Variants in ALG9 observed in about 807,000 individuals in gnomAD.
ALG9 encodes the protein ALG9 alpha-1,2-mannosyltransferase.
A neutral mutation model predicts 81.8 loss-of-function variants in ALG9; 55 were observed. That is an observed-to-expected ratio of 0.67 (90% confidence interval 0.54 to 0.84). The LOEUF (loss-of-function observed/expected upper bound fraction) is 0.84. ALG9 is among the 40% of genes least tolerant of loss of function. The pLI is 0.00. For missense variants in ALG9, 629 were observed against 745.0 expected, an observed-to-expected ratio of 0.84 and a Z score of 1.81; for synonymous variants, 278 against 274.3, an observed-to-expected ratio of 1.01 and a Z score of -0.13.
chr11:111,870,873 G>A lies in ALG9; in HGVS notation c.131+479C>T, dbSNP rs185816552. ...CATTCCCCCTTATGTTCAGATAGAA[G>A]CCTAGGTGCAAGGTACATAGCCTAC... On this transcript the variant is annotated intron_variant, in intron 1 of 14. Coordinates refer to ENST00000616540, the MANE Select transcript of ALG9 (RefSeq NM_024740.2). 11 of 1,000,228 alleles carry A rather than the reference G, an allele frequency of 1.1e-5. No homozygotes were observed. In the African/African-American group the frequency reaches 1.6e-4, roughly 14 times the overall value. 62.0% of individuals were successfully genotyped at this position (1,000,228 alleles called of 1,614,324 possible).
chr11:111,808,831 T>A (rs1950287656), intron 14 of ALG9, among the ~76,000 whole-genome samples: 1 of 152,170 alleles, frequency 6.6e-6, no homozygotes. Context: ...CTCCAACTCC[T>A]CTTCCCCATT....
At chr11:111,771,184 C>A in the ALG9 span, 1 of 152,414 alleles carries the variant, frequency 6.6e-6, no homozygotes, top group African/African-American at 2.4e-5. Context: ...GTAATCCCAG[C>A]ACTGTGGGAG....
intron 13 of ALG9, among the ~76,000 whole-genome samples, chr11:111,818,154 G>A (rs1257558070): frequency 6.6e-6 from 1 of 152,200 alleles, no homozygotes; most frequent in Non-Finnish European, 1.5e-5. Flanking sequence ...TAAAGAATAG[G>A]TTTGGGTGAC....
At position 111,860,542 on chromosome 11, in the gene ALG9, C is replaced by T; in HGVS notation, c.565+5G>A. 2 of 1,613,784 alleles carry T rather than the reference C, an allele frequency of 1.2e-6. No homozygotes were observed. Among genetic ancestry groups the T allele is most frequent in the Non-Finnish European group, 1.7e-6 (2 of 1,179,686 alleles). ...TGCAATTCCCTCATCTGCCCTTTTA[C>T]TTACCTGATGATGAGCAAAACATGC... On this transcript the variant is annotated splice_donor_5th_base_variant and intron_variant, in intron 5 of 14. Transcript: ENST00000616540.
At position 111,851,118 on chromosome 11, in the gene ALG9, C is replaced by T. The variant is rs1342348314; in HGVS notation, c.895+2262G>A. Among the ~76,000 whole-genome samples, 8 of 152,248 alleles carry T rather than the reference C, an allele frequency of 5.3e-5. No individual in the cohort carries two copies. In the South Asian group the frequency reaches 1.0e-3, roughly 20 times the overall value. On this transcript the variant is annotated intron_variant, in intron 8 of 14. Transcript: ENST00000616540. ...GACTGACCCACTGTTAAATTAGCAC[C>T]GTAAACTTAAATCAGAATTTATTCC...
chr11:111,808,247 T>A (rs1555087277), intron 14 of ALG9, among the ~76,000 whole-genome samples: 5 of 152,170 alleles, frequency 3.3e-5, no homozygotes, highest in African/African-American at 1.2e-4. Flanking sequence ...CTCAGGTGCC[T>A]CTTTACTGCC....
chr11:111,864,145 TAAAAAA>T, intron 4 of ALG9: 1 of 508,786 alleles, frequency 2.0e-6, no homozygotes, highest in Non-Finnish European at 3.6e-6. Flanking sequence ...AAATAAAAAT[TAAAAAA>T]AGAAAAAGAA....
At chr11:111,845,708 A>T (rs781958808) in intron 8 of ALG9, among the ~76,000 whole-genome samples, 2 of 152,200 alleles carry the variant, frequency 1.3e-5, no homozygotes, top group Non-Finnish European at 2.9e-5. Context: ...TGCGGGTTTT[A>T]ATCACTGTGT....
chr11:111,816,096 T>C (rs1347120853), intron 13 of ALG9, among the ~76,000 whole-genome samples: 5 of 152,198 alleles, frequency 3.3e-5, no homozygotes, highest in East Asian at 1.9e-4. Context: ...CTTCACAATT[T>C]AGTAGTTTTG....
At chr11:111,818,696 A>G (rs1429598932) in intron 13 of ALG9, among the ~76,000 whole-genome samples, 1 of 152,224 alleles carries the variant, frequency 6.6e-6, no homozygotes, top group Non-Finnish European at 1.5e-5. Context: ...ATTAATTGGG[A>G]AATTCATTGT....
intron 14 of ALG9, among the ~76,000 whole-genome samples, chr11:111,791,074 A>G (rs1008492861): frequency 1.6e-4 from 25 of 152,250 alleles, no homozygotes; most frequent in African/African-American, 5.8e-4. Flanking sequence ...ATTACTTACA[A>G]TAATGTTTTA....
chr11:111,851,841 G>A (rs182820849), intron 8 of ALG9, among the ~76,000 whole-genome samples: 64 of 152,254 alleles, frequency 4.2e-4, no homozygotes, highest in African/African-American at 1.4e-3. Flanking sequence ...AGAGGCAAAA[G>A]CTTAATACTG....
chr11:111,793,179 A>G (rs782815124), intron 14 of ALG9, among the ~76,000 whole-genome samples: 1 of 151,980 alleles, frequency 6.6e-6, no homozygotes, highest in Admixed American at 6.6e-5. Flanking sequence ...ACGGGGTCAT[A>G]CTATGTTGCC....
At chr11:111,797,316 T>C (rs940222565) in intron 14 of ALG9, among the ~76,000 whole-genome samples, 19 of 152,188 alleles carry the variant, frequency 1.2e-4, no homozygotes, top group African/African-American at 4.1e-4. Flanking sequence ...CACCATGCTA[T>C]AAGGAAGCCC....
chr11:111,836,533 C>A lies in ALG9; in HGVS notation c.1473-239G>T, dbSNP rs1955303067. 6.5e-6 allele frequency: 3 copies of A among 463,952 alleles called. No individual in the cohort carries two copies. In the East Asian group the frequency reaches 1.3e-4, roughly 20 times the overall value. 28.7% of individuals were successfully genotyped at this position (463,952 alleles called of 1,614,324 possible). ...CACCAACTGTTAGCAGTGAAATTCA[C>A]AACCAAATGGTCATATCATCAAAAA... On this transcript the variant is annotated intron_variant, in intron 12 of 14. Coordinates refer to ENST00000616540, the MANE Select transcript of ALG9 (RefSeq NM_024740.2).
chr11:111,829,075 A>C (rs926193944), intron 13 of ALG9: 3 of 152,200 alleles, frequency 2.0e-5, no homozygotes, highest in Non-Finnish European at 4.4e-5. Flanking sequence ...CAGAGAGAAT[A>C]AATTTATTCT....
chr11:111,819,422 T>G (rs1473231147), intron 13 of ALG9, among the ~76,000 whole-genome samples: 1 of 152,212 alleles, frequency 6.6e-6, no homozygotes, highest in Non-Finnish European at 1.5e-5. Context: ...TTATTTCTCA[T>G]ATGTCACTGA....
chr11:111,846,935 G>T lies in ALG9; in HGVS notation c.896-2212C>A, dbSNP rs186358089. Among the ~76,000 whole-genome samples, 99 of 152,218 alleles carry T rather than the reference G, an allele frequency of 6.5e-4. No individual in the cohort carries two copies. In the East Asian group the frequency reaches 7.1e-3, roughly 11 times the overall value. On this transcript the variant is annotated intron_variant, in intron 8 of 14. Coordinates refer to ENST00000616540, the MANE Select transcript of ALG9 (RefSeq NM_024740.2). ...TAGGTGAAGGAAAGCTGGCAGCAGG[G>T]TCTCTGCAGGGAGTGACTCACCCAT...
At chr11:111,834,670 C>T (rs1446187431) in intron 13 of ALG9, among the ~76,000 whole-genome samples, 10 of 152,134 alleles carry the variant, frequency 6.6e-5, no homozygotes, top group Non-Finnish European at 1.5e-4. Context: ...TCCATTTTTA[C>T]TACCTCTTCC....
Sources: allele counts gnomAD v4.1 joint callset (sites outside exome capture counted in the v4.1 genomes callset), GRCh38; gene constraint gnomAD v4.1.1; transcripts MANE v1.5; gene names NCBI Gene and HGNC (gene_info 2026-07-23, HGNC 2026-07-21).